Variants in BCAS3 observed in about 807,000 individuals in gnomAD.
BCAS3 encodes the protein BCAS3 microtubule associated cell migration factor.
Under a neutral mutation model 116.1 loss-of-function variants are expected in BCAS3, and 53 were observed. The ratio of observed to expected loss-of-function variants is 0.46; its 90% CI spans 0.37 to 0.57. The LOEUF (loss-of-function observed/expected upper bound fraction) is 0.57, where lower values mean the gene tolerates loss of function less well. Ranked by LOEUF, BCAS3 falls within the 20% of genes least tolerant of loss-of-function variation. BCAS3 has a pLI of 0.00. For missense variants in BCAS3, 917 were observed against 1,165.4 expected (o/e 0.79, Z 3.10); for synonymous variants, 391 against 408.2 (o/e 0.96, Z 0.51).
At position 61,259,505 on chromosome 17, in the gene BCAS3, G is replaced by A. The variant is rs958611037; in HGVS notation, c.2426-108822G>A. Among the ~76,000 whole-genome samples, 7 of 152,182 alleles carry A rather than the reference G, an allele frequency of 4.6e-5. No individual in the cohort carries two copies. Among genetic ancestry groups the A allele is most frequent in the South Asian group, 2.1e-4 (1 of 4,834 alleles). ...TGCAGATGCTGAGGTTGTCTAAGTCGTGGTCTCTTCTTAGGTTACTGGCTG... is the reference window on the plus strand; with the variant it reads ...TGCAGATGCTGAGGTTGTCTAAGTCATGGTCTCTTCTTAGGTTACTGGCTG... On this transcript the variant is annotated intron_variant, in intron 22 of 23. Coordinates refer to ENST00000407086, the MANE Select transcript of BCAS3 (RefSeq NM_017679.5). The surrounding 1 kb of genome is among the most constrained non-coding windows in gnomAD (Gnocchi z 4.7).
chr17:61,221,298 AG>A (rs1178463435), intron 22 of BCAS3, among the ~76,000 whole-genome samples: 1 of 152,190 alleles, frequency 6.6e-6, no homozygotes, highest in African/African-American at 2.4e-5. Flanking sequence ...CTTTACTTCA[AG>A]CCCTACCTAC....
rs962785068 is a variant in BCAS3 at position 61,082,711 on chromosome 17, A to G, written c.2328-1756A>G. ...TAAACTTCTCTTTTCTAACTGGCCC[A>G]CATTAGCTTAGGCTTACCTATCCCC... On this transcript the variant is annotated intron_variant, in intron 21 of 23. Coordinates refer to ENST00000407086, the MANE Select transcript of BCAS3 (RefSeq NM_017679.5). This position sits in a 1 kb window ranked among gnomAD's most constrained non-coding sequence, Gnocchi z 5.1. Among the ~76,000 whole-genome samples the G allele has an allele frequency of 4.6e-5, 7 of 152,208 alleles. No individual in the cohort carries two copies. The highest frequency in any genetic ancestry group is 1.7e-4 in the African/African-American group (7 of 41,458).
At position 60,910,662 on chromosome 17, in the gene BCAS3, T is replaced by C; in HGVS notation, c.953T>C (p.Ile318Thr). ...NSRRSPLVPG[I>T]ITVIDTETVG... Reference sequence around the variant, plus strand: ...CGGCGGAGTCCTTTGGTCCCAGGCATCATCACAGTTATTGACACCGAAACC... The same window carrying C: ...CGGCGGAGTCCTTTGGTCCCAGGCACCATCACAGTTATTGACACCGAAACC... Residue 318 changes from isoleucine to threonine, a missense_variant, in exon 12 of 24, where the codon ATC becomes ACC. Coordinates refer to ENST00000407086, the MANE Select transcript of BCAS3 (RefSeq NM_017679.5). The C allele has an allele frequency of 6.2e-7, 1 of 1,612,350 alleles. No homozygotes were observed. Among genetic ancestry groups the C allele is most frequent in the Non-Finnish European group, 8.5e-7 (1 of 1,179,218 alleles).
In BCAS3 at chr17:61,198,132, G is replaced by GTTTTTTTTTTTTTTTTTT. The variant is rs11311858; in HGVS notation, c.2425+113580_2425+113581insTTTTTTTTTTTTTTTTTT. ...GCGATTAAGATAAAGTGCAAGATAT[G>GTTTTTTTTTTTTTTTTTT]TTTTTTTTTTTTCTTTTTTTTTTTT... is the stretch of plus-strand genomic sequence containing the variant. On this transcript the variant is annotated intron_variant, in intron 22 of 23. Transcript: ENST00000407086. The surrounding 1 kb of genome is among the most constrained non-coding windows in gnomAD (Gnocchi z 5.0). Among the ~76,000 whole-genome samples, 1 of 143,654 alleles carries GTTTTTTTTTTTTTTTTTT rather than the reference G, an allele frequency of 7.0e-6. No homozygotes were observed. 94.2% of individuals were successfully genotyped at this position (143,654 alleles called of 152,430 possible). A position where few individuals can be genotyped will look rare whatever the true frequency, so the allele number is the denominator to read the frequency against.
chr17:61,308,839 A>G (rs2054068957), intron 22 of BCAS3, among the ~76,000 whole-genome samples: 1 of 152,110 alleles, frequency 6.6e-6, no homozygotes, highest in Non-Finnish European at 1.5e-5. Flanking sequence ...CATAACAGAA[A>G]CATTCACCTT....
intron 8 of BCAS3, 120 bp downstream of exon 8, chr17:60,868,803 C>T (rs2054857711): frequency 3.7e-6 from 2 of 540,482 alleles, no homozygotes; most frequent in Non-Finnish European, 3.2e-6. Context: ...AAGGAAACAC[C>T]TTCTGAATTC....
chr17:60,968,412 G>A (rs898265442), intron 14 of BCAS3, among the ~76,000 whole-genome samples: 4 of 152,018 alleles, frequency 2.6e-5, no homozygotes, highest in Admixed American at 6.6e-5. Context: ...TGTTGTTGTT[G>A]TTAGAGACAG....
intron 5 of BCAS3, among the ~76,000 whole-genome samples, chr17:60,741,676 A>T (rs1259683047): frequency 6.6e-6 from 1 of 152,232 alleles, no homozygotes; most frequent in Admixed American, 6.5e-5. Context: ...ATTTAAATCC[A>T]TAATTTTTGG....
At chr17:60,843,180 A>G (rs2052137852) in intron 7 of BCAS3, among the ~76,000 whole-genome samples, 2 of 150,484 alleles carry the variant, frequency 1.3e-5, no homozygotes, top group South Asian at 2.1e-4. Context: ...TGCCCTTTTC[A>G]TAGTGTCTCT....
chr17:61,359,375 C>G (rs2058328096), intron 22 of BCAS3, among the ~76,000 whole-genome samples: 1 of 151,616 alleles, frequency 6.6e-6, no homozygotes. Context: ...AGCCTCCATT[C>G]TACAAAATAG....
rs886433164 is a variant in BCAS3 at position 61,012,830 on chromosome 17, A to T, written c.1487-2921A>T. 6.6e-6 allele frequency among the ~76,000 whole-genome samples: 1 copy of T among 152,068 alleles called. No individual in the cohort carries two copies. The highest frequency in any genetic ancestry group is 2.4e-5 in the African/African-American group (1 of 41,430). ...CAGATTTGGAACTTCTCAGTGAATC[A>T]CTTCATTTTCCTAGACCACTCCTTT... is the stretch of plus-strand genomic sequence containing the variant. On this transcript the variant is annotated intron_variant, in intron 15 of 23. Coordinates refer to ENST00000407086, the MANE Select transcript of BCAS3 (RefSeq NM_017679.5). This position sits in a 1 kb window ranked among gnomAD's most constrained non-coding sequence, Gnocchi z 4.5.
At chr17:61,322,890 G>A (rs903047289) in intron 22 of BCAS3, among the ~76,000 whole-genome samples, 1 of 151,150 alleles carries the variant, frequency 6.6e-6, no homozygotes, top group Non-Finnish European at 1.5e-5. Context: ...GGTGGTGGGG[G>A]GTCCTCTGGG....
Position 60,938,619 on chromosome 17 carries a change from A to C in BCAS3, c.1088-8600A>C, listed in dbSNP as rs2060062503. Among the ~76,000 whole-genome samples, 3 of 152,192 alleles carry C rather than the reference A, an allele frequency of 2.0e-5. 1 individual carries two copies. The South Asian group carries it at 6.2e-4, about 31-fold the overall frequency. On this transcript the variant is annotated intron_variant, in intron 13 of 23. Coordinates refer to ENST00000407086, the MANE Select transcript of BCAS3 (RefSeq NM_017679.5). The stretch of plus-strand genomic sequence containing the variant: ...AAAAGATTTCTTAGATAAACACCCA[A>C]ACCACAAAATCTTCATCAAAATTGG...
intron 19 of BCAS3, among the ~76,000 whole-genome samples, chr17:61,048,953 A>G (rs1428463762): frequency 3.3e-5 from 5 of 152,012 alleles, no homozygotes; most frequent in Admixed American, 6.5e-5. Flanking sequence ...AGATCTAAAT[A>G]TAAAAAACTC....
intron 9 of BCAS3, among the ~76,000 whole-genome samples, chr17:60,882,797 C>G (rs1188802255): frequency 1.4e-5 from 2 of 146,320 alleles, no homozygotes; most frequent in Non-Finnish European, 3.0e-5. Flanking sequence ...TTCCATTGAT[C>G]TATATCTCTG....
intron 7 of BCAS3, among the ~76,000 whole-genome samples, chr17:60,839,513 A>G (rs1030506172): frequency 2.6e-5 from 4 of 151,560 alleles, no homozygotes; most frequent in Admixed American, 1.3e-4. Flanking sequence ...CCCAGTGTTT[A>G]TTGAGAACTC....
rs2058529105 is a variant in BCAS3 at position 61,362,942 on chromosome 17, AC to A, written c.2426-5381del. The A allele has an allele frequency of 1.3e-5, 2 of 152,198 alleles. No individual in the cohort carries two copies. Among genetic ancestry groups the A allele is most frequent in the African/African-American group, 4.8e-5 (2 of 41,436 alleles). The allele number at this position is 152,198 out of a possible 1,614,324, so 9.4% of individuals were successfully genotyped here. Reference sequence around the variant, plus strand: ...TGACCCTAGATATTCAGGCTCTGGTACCCCACCCAAAGGGTGTTGACTGCAA... The same window carrying A: ...TGACCCTAGATATTCAGGCTCTGGTACCCACCCAAAGGGTGTTGACTGCAA... On this transcript the variant is annotated intron_variant, in intron 22 of 23. Coordinates refer to ENST00000407086, the MANE Select transcript of BCAS3 (RefSeq NM_017679.5). This position sits in a 1 kb window ranked among gnomAD's most constrained non-coding sequence, Gnocchi z 4.4.
intron 7 of BCAS3, among the ~76,000 whole-genome samples, chr17:60,835,581 G>A (rs1384520826): frequency 6.6e-6 from 1 of 152,022 alleles, no homozygotes; most frequent in Admixed American, 6.6e-5. Flanking sequence ...AGATTAAAGT[G>A]TTCCTTTTTT....
At chr17:60,710,431 A>ATT (rs529286931) in intron 5 of BCAS3, among the ~76,000 whole-genome samples, 14 of 135,456 alleles carry the variant, frequency 1.0e-4, no homozygotes, top group South Asian at 2.4e-4. Flanking sequence ...ATTCTTTAAC[A>ATT]TTTTTTTTTT....
Sources: gnomAD v4.1 joint callset for allele counts (sites outside exome capture counted in the v4.1 genomes callset) on GRCh38, gnomAD v4.1.1 for gene constraint, Gnocchi (gnomAD v3.1) non-coding constraint, MANE v1.5 for transcripts, NCBI Gene and HGNC (gene_info 2026-07-23, HGNC 2026-07-21) for gene names.